SEMA6A: variants seen among roughly 807,000 people sequenced by gnomAD.
The protein encoded by SEMA6A is semaphorin 6A.
SEMA6A carries 25 observed loss-of-function variants against 96.8 expected under a neutral mutation model. The observed-to-expected ratio is 0.26, with a 90% CI of 0.19 to 0.36. The LOEUF (loss-of-function observed/expected upper bound fraction) is 0.36. Among genes scored for constraint, SEMA6A ranks in the 10% least tolerant of loss-of-function variants. The probability of loss-of-function intolerance (pLI) is 1.00; values close to 1 mark genes in which losing one functional copy is unlikely to be tolerated. For synonymous variants in SEMA6A, 612 were observed against 518.0 expected (o/e 1.18, Z -2.46); for missense variants, 1,363 against 1,323.1 (o/e 1.03, Z -0.47).
intron 15 of SEMA6A, among the ~76,000 whole-genome samples, chr5:116,476,965 T>C (rs1171838224): frequency 6.6e-6 from 1 of 152,208 alleles, no homozygotes; most frequent in Non-Finnish European, 1.5e-5. Context: ...TCATCAGATA[T>C]GCCCTTGATC....
chr5:116,505,259 A>G (rs1218179582), intron 1 of SEMA6A, among the ~76,000 whole-genome samples: 3 of 152,170 alleles, frequency 2.0e-5, no homozygotes, highest in Non-Finnish European at 2.9e-5. Flanking sequence ...ATAGATGGCT[A>G]TTTCACAGTC....
chr5:116,483,044 G>A (rs373251815), intron 10 of SEMA6A, among the ~76,000 whole-genome samples: 5 of 152,200 alleles, frequency 3.3e-5, no homozygotes, highest in East Asian at 1.9e-4. Context: ...AACTTAGGGT[G>A]TGAGAATATG....
chr5:116,459,481 G>A (rs549910508), intron 18 of SEMA6A, among the ~76,000 whole-genome samples: 2 of 152,082 alleles, frequency 1.3e-5, no homozygotes, highest in African/African-American at 4.8e-5. Flanking sequence ...GGCATTTAAG[G>A]TTCCAGGCTA....
chr5:116,456,380 T>G (rs1413705564), intron 18 of SEMA6A, among the ~76,000 whole-genome samples: 1 of 152,184 alleles, frequency 6.6e-6, no homozygotes, highest in African/African-American at 2.4e-5. Context: ...CCAGAAAACA[T>G]ATCTAAGGTC....
At chr5:116,467,113 C>T (rs1755804416) in intron 18 of SEMA6A, among the ~76,000 whole-genome samples, 1 of 152,164 alleles carries the variant, frequency 6.6e-6, no homozygotes, top group African/African-American at 2.4e-5. Flanking sequence ...AATTCAGCAC[C>T]ATGCAACAGT....
rs1326590967 is a variant in SEMA6A at position 116,478,118 on chromosome 5, C to T, written c.1464G>A (p.Met488Ile). ...TGCTTGCTCTGTCCAGCTGCATGCCCATGATCCTTTTGTCTTCGACTCCAT... is the reference window on the plus strand; with the variant it reads ...TGCTTGCTCTGTCCAGCTGCATGCCTATGATCCTTTTGTCTTCGACTCCAT... ...SYDGVEDKRI[M>I]GMQLDRASSS... Residue 488 changes from methionine to isoleucine, a missense_variant, in exon 14 of 19, where the codon ATG becomes ATA. Around this residue, in one of 2 missense-constraint regions of SEMA6A, gnomAD observed 883 missense variants for 763.6 expected, o/e 1.16. Coordinates refer to ENST00000343348, the MANE Select transcript of SEMA6A (RefSeq NM_020796.5). The T allele has an allele frequency of 6.2e-7, 1 of 1,613,940 alleles. No individual in the cohort carries two copies. The highest frequency in any genetic ancestry group is 1.6e-4 in the Middle Eastern group (1 of 6,062).
At chr5:116,531,018 G>A (rs1314512398) in intron 1 of SEMA6A, among the ~76,000 whole-genome samples, 1 of 152,080 alleles carries the variant, frequency 6.6e-6, no homozygotes, top group African/African-American at 2.4e-5. Flanking sequence ...CTAGTAAGTT[G>A]GGGAACAGGG....
chr5:116,481,310 A>G (rs1416631502), intron 11 of SEMA6A, among the ~76,000 whole-genome samples: 1 of 152,190 alleles, frequency 6.6e-6, no homozygotes, highest in African/African-American at 2.4e-5. Flanking sequence ...CCTTCCTGCT[A>G]GAAGGAACTA....
At chr5:116,518,508 A>C (rs2112809048) in intron 1 of SEMA6A, among the ~76,000 whole-genome samples, 1 of 152,352 alleles carries the variant, frequency 6.6e-6, no homozygotes, top group South Asian at 2.1e-4. Context: ...GGAAAAGTGA[A>C]ATTATCCAAT....
chr5:116,481,485 G>A (rs1756767447), intron 11 of SEMA6A, among the ~76,000 whole-genome samples: 1 of 152,156 alleles, frequency 6.6e-6, no homozygotes, highest in Non-Finnish European at 1.5e-5. Context: ...TTTCTCCTCT[G>A]GGTTTAAGTG....
At chr5:116,467,842 G>C in intron 17 of SEMA6A, 95 bp from the exon 18 acceptor site, 1 of 1,275,624 alleles carries the variant, frequency 7.8e-7, no homozygotes. Flanking sequence ...CAAGCTGGCT[G>C]TAAGACTGAG....
intron 7 of SEMA6A, 125 bp downstream of exon 7, chr5:116,491,615 T>TA (rs1431706210): frequency 2.8e-6 from 2 of 710,260 alleles, no homozygotes; most frequent in Non-Finnish European, 5.0e-6. Flanking sequence ...AAGGCATTCT[T>TA]AATTACAGTA....
At position 116,446,105 on chromosome 5, in the gene SEMA6A, C is replaced by CTT. The variant is rs71711476; in HGVS notation, c.*506_*507dup. On this transcript the variant is annotated 3_prime_UTR_variant, in exon 19 of 19. Coordinates refer to ENST00000343348, the MANE Select transcript of SEMA6A (RefSeq NM_020796.5). ...TCTGAGTTAGAATTATCAATGAATT[C>CTT]TTTTTTTTTTGTCTTTTTAAATTTT... 0.11 allele frequency: 16,587 copies of CTT among 149,470 alleles called. 1,090 individuals carry two copies. Among genetic ancestry groups the CTT allele is most frequent in the African/African-American group, 0.18 (7,347 of 40,740 alleles). 9.3% of individuals were successfully genotyped at this position (149,470 alleles called of 1,614,324 possible). A position where few individuals can be genotyped will look rare whatever the true frequency, so the allele number is the denominator to read the frequency against.
intron 1 of SEMA6A, among the ~76,000 whole-genome samples, chr5:116,569,291 G>A (rs1470493269): frequency 6.6e-6 from 1 of 152,146 alleles, no homozygotes. Context: ...GTAGCTATCT[G>A]GGGAAAGAAC....
chr5:116,505,230 G>T (rs1021308019), intron 1 of SEMA6A, among the ~76,000 whole-genome samples: 11 of 152,044 alleles, frequency 7.2e-5, no homozygotes, highest in Admixed American at 6.6e-4. Context: ...CCTTTATCCT[G>T]AGCCATCTTT....
chr5:116,474,514 A>T (rs575549268), intron 16 of SEMA6A, among the ~76,000 whole-genome samples: 1 of 152,188 alleles, frequency 6.6e-6, no homozygotes, highest in East Asian at 1.9e-4. Flanking sequence ...CCAATATATA[A>T]TATTTGTAAA....
intron 11 of SEMA6A, among the ~76,000 whole-genome samples, chr5:116,481,031 G>C (rs1310685302): frequency 1.3e-5 from 2 of 152,090 alleles, no homozygotes; most frequent in Non-Finnish European, 2.9e-5. Context: ...TGCAGAAGAG[G>C]AGATTGGACC....
chr5:116,573,182 C>T (rs145644928), intron 1 of SEMA6A, among the ~76,000 whole-genome samples: 98 of 152,238 alleles, frequency 6.4e-4, no homozygotes, highest in Non-Finnish European at 1.0e-3. Flanking sequence ...GCCCGGCTTA[C>T]TCTCCAGCGC....
Position 116,447,529 on chromosome 5 carries a change from A to C in SEMA6A, c.2177T>G (p.Leu726Arg), listed in dbSNP as rs745671524. ...AGTGGCGAGCTTGCCGTTGTGCATG[A>C]GTGGCGTGAGGATGGCCTCCGGCTT... ...DPKPEAILTP[L>R]MHNGKLATPG... The change falls in exon 19 of 19, where the codon CTC becomes CGC. Residue 726 changes from leucine to arginine, a missense_variant. By Grantham distance (102) the Leu-to-Arg change is moderately radical. Coordinates refer to ENST00000343348, the MANE Select transcript of SEMA6A (RefSeq NM_020796.5). The C allele has an allele frequency of 4.3e-6, 7 of 1,613,916 alleles. No individual in the cohort carries two copies. Among genetic ancestry groups the C allele is most frequent in the Non-Finnish European group, 4.2e-6 (5 of 1,179,922 alleles).
Sources: gnomAD v4.1 joint callset for allele counts (sites outside exome capture counted in the v4.1 genomes callset) on GRCh38, gnomAD v4.1.1 for gene constraint, gnomAD v4.1.1 regional missense constraint, MANE v1.5 for transcripts, NCBI Gene and HGNC (gene_info 2026-07-23, HGNC 2026-07-21) for gene names.